Variants in GALNTL6 observed in about 807,000 individuals in gnomAD.
GALNTL6 encodes the protein polypeptide N-acetylgalactosaminyltransferase-like 6.
In GALNTL6, 46 loss-of-function variants were observed where a neutral mutation model predicts 73.7. The observed-to-expected ratio is 0.62, with a 90% confidence interval of 0.49 to 0.80. GALNTL6 has a LOEUF of 0.80. GALNTL6 is among the 30% of genes least tolerant of loss of function. The pLI is 0.00. For synonymous variants in GALNTL6, 259 were observed against 263.7 expected (o/e 0.98, Z 0.17); for missense variants, 604 against 755.0 (o/e 0.80, Z 2.34).
intron 2 of GALNTL6, among the ~76,000 whole-genome samples, chr4:172,172,317 CCTCTCAG>C (rs1734856421): frequency 6.6e-6 from 1 of 152,080 alleles, no homozygotes; most frequent in Non-Finnish European, 1.5e-5. Flanking sequence ...CCTGCCTCAG[CCTCTCAG>C]GTAGCTGGGA....
At chr4:172,373,525 C>G (rs183546542) in intron 5 of GALNTL6, among the ~76,000 whole-genome samples, 3 of 150,876 alleles carry the variant, frequency 2.0e-5, no homozygotes, top group African/African-American at 7.3e-5. Flanking sequence ...CCTTTATGAG[C>G]TTCAGGCCTT....
At chr4:172,378,552 A>G (rs1366952727) in intron 5 of GALNTL6, among the ~76,000 whole-genome samples, 6 of 152,204 alleles carry the variant, frequency 3.9e-5, no homozygotes, top group Non-Finnish European at 5.9e-5. Flanking sequence ...CGAATTAACC[A>G]TACTTTGAGA....
At chr4:172,776,656 CAT>C (rs1166506047) in intron 5 of GALNTL6, among the ~76,000 whole-genome samples, 1 of 152,094 alleles carries the variant, frequency 6.6e-6, no homozygotes, top group Non-Finnish European at 1.5e-5. Flanking sequence ...AAAAAATAAA[CAT>C]ACACAGAGGA....
chr4:171,973,179 A>T (rs912479917), intron 2 of GALNTL6, among the ~76,000 whole-genome samples: 1 of 152,124 alleles, frequency 6.6e-6, no homozygotes, highest in African/African-American at 2.4e-5. Flanking sequence ...TAGTGTTTCT[A>T]AGTTTGTAAT....
intron 2 of GALNTL6, among the ~76,000 whole-genome samples, chr4:172,042,415 G>A (rs1447156101): frequency 6.6e-6 from 1 of 151,850 alleles, no homozygotes; most frequent in East Asian, 1.9e-4. Context: ...TTCCAGCCTA[G>A]ACTTCTCTTA....
At chr4:172,392,730 G>T (rs1472885500) in intron 5 of GALNTL6, among the ~76,000 whole-genome samples, 1 of 152,174 alleles carries the variant, frequency 6.6e-6, no homozygotes, top group East Asian at 1.9e-4. Flanking sequence ...TCTGGTGCCA[G>T]GTTTTGTGGA....
Position 172,171,609 on chromosome 4 carries a change from G to C in GALNTL6, c.139-58047G>C, listed in dbSNP as rs559083605. ...TTTGGGAGGCTGAGGCAGGGGGATC[G>C]GTTGAGCTCAGGAGTTCGAGAGCAG... On this transcript the variant is annotated intron_variant, in intron 2 of 12. Coordinates refer to ENST00000506823, the MANE Select transcript of GALNTL6 (RefSeq NM_001034845.3). Among the ~76,000 whole-genome samples, 3 of 151,626 alleles carry C rather than the reference G, an allele frequency of 2.0e-5. No individual in the cohort carries two copies. In the South Asian group the frequency reaches 6.3e-4, roughly 32 times the overall value.
At chr4:171,955,444 C>T (rs1189457212) in intron 2 of GALNTL6, among the ~76,000 whole-genome samples, 1 of 151,828 alleles carries the variant, frequency 6.6e-6, no homozygotes, top group Non-Finnish European at 1.5e-5. Flanking sequence ...GAAAGATTGG[C>T]TCCAGGACTC....
intron 7 of GALNTL6, among the ~76,000 whole-genome samples, chr4:172,818,889 A>G (rs909767778): frequency 3.5e-4 from 54 of 152,162 alleles, no homozygotes; most frequent in African/African-American, 1.2e-3. Context: ...GAGCCACCGC[A>G]CTTGGCCACA....
intron 5 of GALNTL6, among the ~76,000 whole-genome samples, chr4:172,359,870 C>A (rs6838976): frequency 0.83 from 126,001 of 152,140 alleles, 52,618 homozygotes; most frequent in Non-Finnish European, 0.88. Context: ...CACCTCTACT[C>A]TAACAGAACC....
chr4:172,642,738 T>C (rs938287947), intron 5 of GALNTL6, among the ~76,000 whole-genome samples: 7 of 151,970 alleles, frequency 4.6e-5, no homozygotes, highest in African/African-American at 1.7e-4. Flanking sequence ...AAATGACCTA[T>C]ATGTGAGGTA....
rs1215305874 is a variant in GALNTL6 at position 172,762,984 on chromosome 4, G to T, written c.554-46377G>T. 2.0e-5 allele frequency among the ~76,000 whole-genome samples: 3 copies of T among 146,738 alleles called. No homozygotes were observed. The Admixed American group carries it at 2.1e-4, about 10-fold the overall frequency. On this transcript the variant is annotated intron_variant, in intron 5 of 12. Transcript: ENST00000506823. ...CTCTCAAGTCTGCCATATGATGGCT[G>T]CCAGTGACATCATTGCAGACAAAAA...
intron 2 of GALNTL6, among the ~76,000 whole-genome samples, chr4:172,017,754 G>A (rs1741251225): frequency 6.6e-6 from 1 of 152,058 alleles, no homozygotes; most frequent in Non-Finnish European, 1.5e-5. Flanking sequence ...TTTCCTAAGA[G>A]CCAGACTGCA....
At chr4:172,112,102 A>G (rs1447132629) in intron 2 of GALNTL6, among the ~76,000 whole-genome samples, 1 of 151,978 alleles carries the variant, frequency 6.6e-6, no homozygotes, top group Non-Finnish European at 1.5e-5. Flanking sequence ...TAATCTTTTA[A>G]CTGTCGCCTG....
At chr4:172,047,820 G>A (rs1015266210) in intron 2 of GALNTL6, among the ~76,000 whole-genome samples, 3 of 151,882 alleles carry the variant, frequency 2.0e-5, no homozygotes, top group Non-Finnish European at 4.4e-5. Flanking sequence ...GTCATGAAAA[G>A]GTATAGATTG....
At chr4:172,747,299 A>C (rs963600579) in intron 5 of GALNTL6, among the ~76,000 whole-genome samples, 13 of 152,204 alleles carry the variant, frequency 8.5e-5, no homozygotes, top group African/African-American at 3.1e-4. Context: ...ATATACAGGA[A>C]ACTCAAACTA....
intron 5 of GALNTL6, among the ~76,000 whole-genome samples, chr4:172,471,689 TA>T (rs1180282181): frequency 6.6e-6 from 1 of 152,180 alleles, no homozygotes; most frequent in Non-Finnish European, 1.5e-5. Flanking sequence ...ATTGAAACTG[TA>T]AAAATTAACT....
chr4:172,818,835 G>A (rs960958337), intron 7 of GALNTL6, among the ~76,000 whole-genome samples: 2 of 152,168 alleles, frequency 1.3e-5, no homozygotes, highest in Non-Finnish European at 2.9e-5. Flanking sequence ...CTGACCTCAT[G>A]ATCTGCCCGC....
intron 2 of GALNTL6, among the ~76,000 whole-genome samples, chr4:172,040,389 CCA>C (rs1742050568): frequency 2.6e-5 from 4 of 151,692 alleles, no homozygotes; most frequent in Admixed American, 2.6e-4. Flanking sequence ...TTTTTTTATG[CCA>C]CTTTTATGCT....
Sources: allele counts gnomAD v4.1 joint callset (sites outside exome capture counted in the v4.1 genomes callset), GRCh38; gene constraint gnomAD v4.1.1; transcripts MANE v1.5; gene names NCBI Gene and HGNC (gene_info 2026-07-23, HGNC 2026-07-21).